CNTNAP5: variants seen among roughly 807,000 people sequenced by gnomAD.
The protein encoded by CNTNAP5 is contactin-associated protein-like 5.
CNTNAP5 carries 72 observed loss-of-function variants against 150.2 expected under a neutral mutation model. That is an observed-to-expected ratio of 0.48 (90% CI 0.40 to 0.58). The LOEUF (loss-of-function observed/expected upper bound fraction) is 0.58. Among genes scored for constraint, CNTNAP5 ranks in the 20% least tolerant of loss-of-function variants. CNTNAP5 has a pLI of 0.00. For synonymous variants in CNTNAP5, 672 were observed against 619.8 expected, an observed-to-expected ratio of 1.08 and a Z score of -1.25; for missense variants, 1,636 against 1,626.2, an observed-to-expected ratio of 1.01 and a Z score of -0.10.
intron 1 of CNTNAP5, among the ~76,000 whole-genome samples, chr2:124,061,496 C>T (rs531149886): frequency 2.6e-5 from 4 of 152,138 alleles, no homozygotes; most frequent in South Asian, 2.1e-4. Flanking sequence ...GTCTCTGTAC[C>T]GACAGGTCAT....
At chr2:124,830,632 T>A (rs928980208) in intron 19 of CNTNAP5, among the ~76,000 whole-genome samples, 1 of 151,960 alleles carries the variant, frequency 6.6e-6, no homozygotes, top group Non-Finnish European at 1.5e-5. Flanking sequence ...ATATAGGAAA[T>A]TTCCTGGTTA....
intron 10 of CNTNAP5, among the ~76,000 whole-genome samples, chr2:124,532,295 A>G (rs1695127609): frequency 6.6e-6 from 1 of 152,136 alleles, no homozygotes; most frequent in African/African-American, 2.4e-5. Flanking sequence ...GATTCTTTGT[A>G]ACATTTATGT....
intron 1 of CNTNAP5, among the ~76,000 whole-genome samples, chr2:124,037,241 C>T (rs529131887): frequency 6.6e-6 from 1 of 152,318 alleles, no homozygotes; most frequent in East Asian, 1.9e-4. Flanking sequence ...ATTCCATGAT[C>T]ACTGCCCACT....
intron 19 of CNTNAP5, among the ~76,000 whole-genome samples, chr2:124,818,898 T>C (rs1392830640): frequency 6.6e-6 from 1 of 152,190 alleles, no homozygotes; most frequent in Non-Finnish European, 1.5e-5. Flanking sequence ...CTTCTCATTA[T>C]TTCTAGGATG....
chr2:124,109,915 C>T (rs1026618056), intron 1 of CNTNAP5, among the ~76,000 whole-genome samples: 1 of 152,108 alleles, frequency 6.6e-6, no homozygotes, highest in Non-Finnish European at 1.5e-5. Context: ...AGTGGTTAGT[C>T]CTAGAAGTAA....
At chr2:124,148,529 T>C (rs1457757748) in intron 1 of CNTNAP5, among the ~76,000 whole-genome samples, 1 of 146,634 alleles carries the variant, frequency 6.8e-6, no homozygotes, top group African/African-American at 2.5e-5. Flanking sequence ...TATATACATA[T>C]TATATATATA....
At chr2:124,485,045 G>A (rs1351165470) in intron 7 of CNTNAP5, among the ~76,000 whole-genome samples, 2 of 152,046 alleles carry the variant, frequency 1.3e-5, no homozygotes, top group Non-Finnish European at 2.9e-5. Context: ...TCTTAGAAAC[G>A]CTTCACCTTT....
intron 3 of CNTNAP5, among the ~76,000 whole-genome samples, chr2:124,319,414 G>T (rs1385154096): frequency 6.6e-6 from 1 of 152,094 alleles, no homozygotes; most frequent in African/African-American, 2.4e-5. Flanking sequence ...CTGCCTTCTG[G>T]TCACATGAAG....
chr2:124,485,631 A>AAAAAACAAAAAAAAAAAAGAAGAAG (rs1457112306), intron 7 of CNTNAP5, among the ~76,000 whole-genome samples: 1 of 134,202 alleles, frequency 7.5e-6, no homozygotes, highest in African/African-American at 3.1e-5. Flanking sequence ...AAAAAAAAAA[A>AAAAAACAAAAAAAAAAAAGAAGAAG]AAAGAAGAAG....
chr2:124,464,824 G>A (rs371648422), intron 6 of CNTNAP5, among the ~76,000 whole-genome samples: 1 of 152,004 alleles, frequency 6.6e-6, no homozygotes, highest in Non-Finnish European at 1.5e-5. Flanking sequence ...CCTTTTGAAG[G>A]GCCATGAGCT....
rs1361997597 is a variant in CNTNAP5, at chr2:124,798,272, A to G, written c.3169A>G (p.Ile1057Val). 3 of 1,613,870 alleles carry G rather than the reference A, an allele frequency of 1.9e-6. No individual in the cohort carries two copies. The highest frequency in any genetic ancestry group is 2.5e-6 in the Non-Finnish European group (3 of 1,179,814). The change falls in exon 19 of 24, where the codon ATC (isoleucine) becomes GTC (valine). Residue 1057 changes from isoleucine (I) to valine (V), a missense_variant. Coordinates refer to ENST00000682447, the MANE Select transcript of CNTNAP5 (RefSeq NM_001367498.1). ...TTQAPSLLLF[I>V]NSSSQDFVVV... ...CCAGGCACCCAGTCTTTTGCTCTTT[A>G]TCAATTCTTCTTCTCAGGACTTCGT...
At chr2:124,176,358 A>G (rs1248241493) in intron 1 of CNTNAP5, among the ~76,000 whole-genome samples, 1 of 152,206 alleles carries the variant, frequency 6.6e-6, no homozygotes, top group Admixed American at 6.5e-5. Context: ...TTGTCAAAGT[A>G]GGAAACTCAG....
chr2:124,275,415 G>A (rs548973549), intron 3 of CNTNAP5, among the ~76,000 whole-genome samples: 66 of 152,084 alleles, frequency 4.3e-4, no homozygotes, highest in Non-Finnish European at 5.0e-4. Flanking sequence ...CTACAGTCAC[G>A]TGCCTGCTTA....
intron 3 of CNTNAP5, among the ~76,000 whole-genome samples, chr2:124,254,979 G>A (rs937707834): frequency 1.1e-4 from 17 of 152,072 alleles, no homozygotes; most frequent in Admixed American, 6.6e-5. Context: ...ATTTTGTTAC[G>A]CGAAAGCTCA....
At chr2:124,057,448 A>ATTTCTTTTTTTTTTTTTTTTTTTTTTTT (rs1681883228) in intron 1 of CNTNAP5, among the ~76,000 whole-genome samples, 1 of 62,826 alleles carries the variant, frequency 1.6e-5, no homozygotes, top group Non-Finnish European at 2.7e-5. Flanking sequence ...CGGCCAGCTA[A>ATTTCTTTTTTTTTTTTTTTTTTTTTTTT]TTTTTTTTTT....
At chr2:124,043,911 G>A (rs925012428) in intron 1 of CNTNAP5, among the ~76,000 whole-genome samples, 2 of 152,150 alleles carry the variant, frequency 1.3e-5, no homozygotes, top group African/African-American at 4.8e-5. Flanking sequence ...CCCAAATTAA[G>A]TGAACTTTGA....
intron 3 of CNTNAP5, among the ~76,000 whole-genome samples, chr2:124,379,812 G>T (rs542639076): frequency 1.3e-5 from 2 of 152,046 alleles, no homozygotes; most frequent in Non-Finnish European, 2.9e-5. Flanking sequence ...AAATTGTTGC[G>T]CAGAGGTGTA....
intron 19 of CNTNAP5, among the ~76,000 whole-genome samples, chr2:124,804,768 A>G (rs1048011792): frequency 4.9e-4 from 75 of 152,244 alleles, no homozygotes; most frequent in African/African-American, 1.7e-3. Flanking sequence ...TGAGTCACTC[A>G]CTCAGTCTAT....
chr2:124,309,593 G>A (rs531570567), intron 3 of CNTNAP5, among the ~76,000 whole-genome samples: 3 of 152,322 alleles, frequency 2.0e-5, no homozygotes, highest in South Asian at 2.1e-4. Context: ...AAACAGCAAT[G>A]GGGTCCAATG....
Sources: gnomAD v4.1 joint callset for allele counts (sites outside exome capture counted in the v4.1 genomes callset) on GRCh38, gnomAD v4.1.1 for gene constraint, MANE v1.5 for transcripts, NCBI Gene and HGNC (gene_info 2026-07-23, HGNC 2026-07-21) for gene names.